SLC18B1: variants seen among roughly 807,000 people sequenced by gnomAD.
The protein encoded by SLC18B1 is solute carrier family 18 member B1.
In SLC18B1, 62 loss-of-function variants were observed where a neutral mutation model predicts 53.9. The observed-to-expected ratio is 1.15, with a 90% CI of 0.94 to 1.42. The LOEUF (loss-of-function observed/expected upper bound fraction) is 1.42. Ranked by LOEUF, SLC18B1 falls within the 40% of genes most tolerant of loss-of-function variation. The pLI is 0.00. For missense variants in SLC18B1, 598 were observed against 547.3 expected, an observed-to-expected ratio of 1.09 and a Z score of -0.93; for synonymous variants, 217 against 200.9, an observed-to-expected ratio of 1.08 and a Z score of -0.68.
At chr6:132,795,405 C>G (rs950090614) in intron 2 of SLC18B1, among the ~76,000 whole-genome samples, 1 of 152,054 alleles carries the variant, frequency 6.6e-6, no homozygotes, top group Admixed American at 6.6e-5. Flanking sequence ...CTTCTGAGAC[C>G]GTTTCTTCAT....
At chr6:132,796,856 T>C in intron 2 of SLC18B1, 126 bp downstream of exon 2, 1 of 1,010,658 alleles carries the variant, frequency 9.9e-7, no homozygotes, top group Non-Finnish European at 1.4e-6. Context: ...GCTGGAGTTC[T>C]ATACACCATC....
intron 8 of SLC18B1, among the ~76,000 whole-genome samples, chr6:132,776,118 T>G (rs565578570): frequency 1.1e-4 from 17 of 152,212 alleles, no homozygotes; most frequent in Non-Finnish European, 2.4e-4. Flanking sequence ...CATAAGACTC[T>G]TCCTCTTTTC....
chr6:132,771,228 T>A, intron 11 of SLC18B1, 99 bp from the exon 12 acceptor site: 2 of 1,078,240 alleles, frequency 1.9e-6, no homozygotes, highest in Non-Finnish European at 2.8e-6. Context: ...CTTCATTACA[T>A]TGGAAGATAA....
Position 132,770,889 on chromosome 6 carries a change from C to T in SLC18B1, c.1304+1G>A, listed in dbSNP as rs761495799. 1.2e-6 allele frequency: 2 copies of T among 1,607,596 alleles called. No individual in the cohort carries two copies. Among genetic ancestry groups the T allele is most frequent in the Admixed American group, 1.7e-5 (1 of 57,680 alleles). On this transcript the variant is annotated splice_donor_variant, in intron 13 of 13. Coordinates refer to ENST00000275227, the MANE Select transcript of SLC18B1 (RefSeq NM_052831.3). LOFTEE classifies it high-confidence loss of function. ...AAAAAAAGCCCCAAAATTGACCATA[C>T]CTTTTTCTCCTTGAATACTCCAGTA...
chr6:132,773,999 A>C (rs150361113), intron 9 of SLC18B1, among the ~76,000 whole-genome samples: 122 of 152,304 alleles, frequency 8.0e-4, no homozygotes, highest in African/African-American at 2.9e-3. Flanking sequence ...GAGAATATGC[A>C]TTTTTGTCAT....
Position 132,796,065 on chromosome 6 carries a change from T to G in SLC18B1, c.183+917A>C, listed in dbSNP as rs1490631815. 2.7e-5 allele frequency among the ~76,000 whole-genome samples: 4 copies of G among 149,242 alleles called. No homozygotes were observed. In the East Asian group the frequency reaches 7.9e-4, roughly 29 times the overall value. On this transcript the variant is annotated intron_variant, in intron 2 of 13. Coordinates refer to ENST00000275227, the MANE Select transcript of SLC18B1 (RefSeq NM_052831.3). ...CTGTCTCTACTAAAAATACAAAAATTCGGCCGGGCACGGTGACTCACGCCT... is the reference window on the plus strand; with the variant it reads ...CTGTCTCTACTAAAAATACAAAAATGCGGCCGGGCACGGTGACTCACGCCT...
intron 2 of SLC18B1, among the ~76,000 whole-genome samples, chr6:132,795,113 G>T (rs1031240659): frequency 6.6e-6 from 1 of 151,386 alleles, no homozygotes; most frequent in Admixed American, 6.6e-5. Context: ...TTCTTTCTAG[G>T]CTCTCATAAC....
chr6:132,794,080 C>A (rs780721243), intron 2 of SLC18B1, among the ~76,000 whole-genome samples: 1 of 151,720 alleles, frequency 6.6e-6, no homozygotes, highest in Non-Finnish European at 1.5e-5. Flanking sequence ...CATCTCAATT[C>A]CACAGGCTCT....
rs1262402342 is a variant in SLC18B1 at position 132,797,090 on chromosome 6, G to C, written c.75C>G (p.Thr25=). Residue 25 remains threonine, a synonymous_variant, in exon 2 of 14, where the codon ACC becomes ACG. Transcript: ENST00000275227. ...CCTGTTCTCTCGAAAGCCACCCGGGGGTCTCTCCTGCACTTCCTGCAGGAT... is the reference window on the plus strand; with the variant it reads ...CCTGTTCTCTCGAAAGCCACCCGGGCGTCTCTCCTGCACTTCCTGCAGGAT... ...GDDPAGSAGE[T]PGWLSREQVF... The C allele has an allele frequency of 6.2e-7, 1 of 1,614,034 alleles. No individual in the cohort carries two copies. Among genetic ancestry groups the C allele is most frequent in the Non-Finnish European group, 8.5e-7 (1 of 1,180,000 alleles).
At position 132,790,181 on chromosome 6, in the gene SLC18B1, T is replaced by C; in HGVS notation, c.275A>G (p.Asn92Ser). ...FELLASLVFG[N>S]YLVHIGAKFM... Reference sequence around the variant, plus strand: ...GCATATGAACTTTATACTTACATAGTTTCCAAATACCAAGGATGCCAGCAA... The same window carrying C: ...GCATATGAACTTTATACTTACATAGCTTCCAAATACCAAGGATGCCAGCAA... Residue 92 changes from asparagine to serine, a missense_variant, in exon 3 of 14, where the codon AAC (asparagine) becomes AGC (serine). By Grantham distance (46) the Asn-to-Ser change is conservative. Coordinates refer to ENST00000275227, the MANE Select transcript of SLC18B1 (RefSeq NM_052831.3). 6.4e-7 allele frequency: 1 copy of C among 1,562,910 alleles called. No homozygotes were observed. The highest frequency in any genetic ancestry group is 1.2e-5 in the South Asian group (1 of 83,930).
chr6:132,793,995 G>C (rs1005349819), intron 2 of SLC18B1, among the ~76,000 whole-genome samples: 1 of 152,054 alleles, frequency 6.6e-6, no homozygotes, highest in Non-Finnish European at 1.5e-5. Context: ...ACTAACATTA[G>C]TTGCACTCAC....
At position 132,797,096 on chromosome 6, in the gene SLC18B1, T is replaced by C. The variant is rs754844925; in HGVS notation, c.69A>G (p.Gly23=). ...PGGDDPAGSA[G]ETPGWLSREQ... ...CTCTCGAAAGCCACCCGGGGGTCTCTCCTGCACTTCCTGCAGGATCATCAC... is the reference window on the plus strand; with the variant it reads ...CTCTCGAAAGCCACCCGGGGGTCTCCCCTGCACTTCCTGCAGGATCATCAC... The change falls in exon 2 of 14, where the codon GGA becomes GGG. Residue 23 remains glycine, a synonymous_variant. Coordinates refer to ENST00000275227, the MANE Select transcript of SLC18B1 (RefSeq NM_052831.3). 1 of 1,613,810 alleles carries C rather than the reference T, an allele frequency of 6.2e-7. No individual in the cohort carries two copies. The highest frequency in any genetic ancestry group is 8.5e-7 in the Non-Finnish European group (1 of 1,179,952).
At chr6:132,773,903 C>T (rs889296247) in intron 9 of SLC18B1, among the ~76,000 whole-genome samples, 2 of 151,958 alleles carry the variant, frequency 1.3e-5, no homozygotes, top group Middle Eastern at 3.4e-3. Flanking sequence ...ATTCTAAGAA[C>T]TATCAACTAA....
At chr6:132,774,361 C>A in intron 8 of SLC18B1, 48 bp from the exon 9 acceptor site, 1 of 1,412,928 alleles carries the variant, frequency 7.1e-7, no homozygotes. Flanking sequence ...GGCAAAGACC[C>A]TCCATAATCA....
Position 132,798,576 on chromosome 6 carries a change from C to T in SLC18B1, c.-120G>A, listed in dbSNP as rs1781760046. 2 of 1,044,684 alleles carry T rather than the reference C, an allele frequency of 1.9e-6. No homozygotes were observed. The highest frequency in any genetic ancestry group is 3.3e-5 in the African/African-American group (2 of 60,310). The allele number at this position is 1,044,684 out of a possible 1,614,324, so 64.7% of individuals were successfully genotyped here. A position where few individuals can be genotyped will look rare whatever the true frequency, so the allele number is the denominator to read the frequency against. On this transcript the variant is annotated 5_prime_UTR_variant, in exon 1 of 14. Transcript: ENST00000275227. ...CGCTGCTCAGCTGGAACCTGGCATCCCCGACTCCCTGCAGGCAGCGATCCG... is the reference window on the plus strand; with the variant it reads ...CGCTGCTCAGCTGGAACCTGGCATCTCCGACTCCCTGCAGGCAGCGATCCG...
Position 132,773,105 on chromosome 6 carries a change from G to T in SLC18B1, c.990-17C>A. 3 of 1,582,674 alleles carry T rather than the reference G, an allele frequency of 1.9e-6. No homozygotes were observed. The highest frequency in any genetic ancestry group is 2.7e-5 in the African/African-American group (2 of 74,150). Reference sequence around the variant, plus strand: ...CAGAGCTGACTGCAAAAGGGTTTTGGAGAAAACAAATACAAAAAGAAAAAC... The same window carrying T: ...CAGAGCTGACTGCAAAAGGGTTTTGTAGAAAACAAATACAAAAAGAAAAAC... On this transcript the variant is annotated splice_polypyrimidine_tract_variant and intron_variant, in intron 9 of 13. Transcript: ENST00000275227.
In SLC18B1 at chr6:132,769,625, A is replaced by G. The variant is rs1166681821; in HGVS notation, c.*645T>C. The G allele has an allele frequency of 6.6e-6, 1 of 152,266 alleles. No homozygotes were observed. The highest frequency in any genetic ancestry group is 2.4e-5 in the African/African-American group (1 of 41,474). The allele number at this position is 152,266 out of a possible 1,614,324, so 9.4% of individuals were successfully genotyped here. A position where few individuals can be genotyped will look rare whatever the true frequency, so the allele number is the denominator to read the frequency against. On this transcript the variant is annotated 3_prime_UTR_variant, in exon 14 of 14. Transcript: ENST00000275227. Reference sequence around the variant, plus strand: ...ATAAATCCAGATCATAAGTGAACGTAGGTTACAAAAATGGAAGTTGTAAGT... The same window carrying G: ...ATAAATCCAGATCATAAGTGAACGTGGGTTACAAAAATGGAAGTTGTAAGT...
chr6:132,786,648 A>C (rs369732285), intron 5 of SLC18B1, among the ~76,000 whole-genome samples: 1 of 152,020 alleles, frequency 6.6e-6, no homozygotes, highest in Non-Finnish European at 1.5e-5. Flanking sequence ...ACATTGTTAC[A>C]TGAGTAAATG....
In SLC18B1 at chr6:132,787,444, G is replaced by T. The variant is rs779343890; in HGVS notation, c.491C>A (p.Ala164Asp). ...TTCTAAAATACATACCAATACCGTA[G>T]CCACGTTATTTGGAAAAGCCTTTGC... The part of the protein sequence containing the change: ...ILAKAFPNNV[A>D]TVLGSLETFS... Residue 164 changes from alanine (A) to aspartate (D), a missense_variant, in exon 5 of 14, where the codon GCT becomes GAT. Physicochemically the swap from Ala to Asp is moderately radical, Grantham distance 126 (BLOSUM62 -2). Coordinates refer to ENST00000275227, the MANE Select transcript of SLC18B1 (RefSeq NM_052831.3). 4 of 1,596,434 alleles carry T rather than the reference G, an allele frequency of 2.5e-6. No individual in the cohort carries two copies. The South Asian group carries it at 4.6e-5, about 18-fold the overall frequency.
Sources: allele counts gnomAD v4.1 joint callset (sites outside exome capture counted in the v4.1 genomes callset), GRCh38; gene constraint gnomAD v4.1.1; transcripts MANE v1.5; gene names NCBI Gene and HGNC (gene_info 2026-07-23, HGNC 2026-07-21).